The following EVC2 variants were observed in gnomAD, a reference collection of about 807,000 sequenced individuals.
The protein encoded by EVC2 is limbin.
In EVC2, 148 loss-of-function variants were observed where a neutral mutation model predicts 149.3. The ratio of observed to expected loss-of-function variants is 0.99; its 90% CI spans 0.87 to 1.14. EVC2 has a LOEUF of 1.14. Among genes scored for constraint, EVC2 ranks in the 50% most tolerant of loss-of-function variants. The pLI is 0.00. For synonymous variants in EVC2, 776 were observed against 649.9 expected, an observed-to-expected ratio of 1.19 and a Z score of -2.95; for missense variants, 1,854 against 1,627.3, an observed-to-expected ratio of 1.14 and a Z score of -2.40.
intron 2 of EVC2, 45 bp downstream of exon 2, chr4:5,697,548 T>C: frequency 6.2e-7 from 1 of 1,605,044 alleles, no homozygotes; most frequent in East Asian, 2.2e-5. Flanking sequence ...GCTTCTGGTT[T>C]TTCATGCTCA....
At position 5,685,496 on chromosome 4, in the gene EVC2, A is replaced by C. The variant is rs1443199081; in HGVS notation, c.707-17T>G. The C allele has an allele frequency of 4.3e-6, 7 of 1,611,908 alleles. No individual in the cohort carries two copies. Among genetic ancestry groups the C allele is most frequent in the African/African-American group, 4.0e-5 (3 of 74,890 alleles). On this transcript the variant is annotated splice_polypyrimidine_tract_variant and intron_variant, in intron 5 of 21. Coordinates refer to ENST00000344408, the MANE Select transcript of EVC2 (RefSeq NM_147127.5). The stretch of plus-strand genomic sequence containing the variant: ...CATCTCCCACTGCGCAGAGAAAAGC[A>C]CATGTGACTCAGGGAGGGCTTGGCC...
the EVC2 span, among the ~76,000 whole-genome samples, chr4:5,536,542 T>C: frequency 1.3e-5 from 2 of 152,124 alleles, no homozygotes; most frequent in Non-Finnish European, 2.9e-5. Flanking sequence ...CCTAGCACTT[T>C]GGGAGGCCAA....
At chr4:5,626,283 G>GTTAA (rs1330015363) in intron 12 of EVC2, among the ~76,000 whole-genome samples, 4 of 151,554 alleles carry the variant, frequency 2.6e-5, no homozygotes, top group Admixed American at 2.6e-4. Context: ...CTGTGTGATG[G>GTTAA]TTAATTTTAT....
intron 9 of EVC2, among the ~76,000 whole-genome samples, chr4:5,651,211 T>C (rs906645915): frequency 5.9e-5 from 9 of 151,324 alleles, no homozygotes; most frequent in South Asian, 2.1e-4. Context: ...GCTAGCTGGC[T>C]GGATGGAAGA....
At chr4:5,582,041 G>A (rs930119095) in intron 17 of EVC2, among the ~76,000 whole-genome samples, 1 of 152,240 alleles carries the variant, frequency 6.6e-6, no homozygotes, top group Non-Finnish European at 1.5e-5. Context: ...TGTCCAGGCA[G>A]AAGCCTTCTG....
intron 9 of EVC2, among the ~76,000 whole-genome samples, chr4:5,658,929 T>C (rs1186853516): frequency 6.6e-6 from 1 of 152,008 alleles, no homozygotes; most frequent in Non-Finnish European, 1.5e-5. Context: ...CCTGCCCAGT[T>C]CCTCCCTCCT....
At position 5,570,905 on chromosome 4, in the gene EVC2, T is replaced by C. The variant is rs1033684736; in HGVS notation, c.3361-2265A>G. Among the ~76,000 whole-genome samples, 11 of 152,182 alleles carry C rather than the reference T, an allele frequency of 7.2e-5. No homozygotes were observed. In the South Asian group the frequency reaches 8.3e-4, roughly 11 times the overall value. Reference sequence around the variant, plus strand: ...GAAGAAACTCAGGAATGGAAAACCATATATTGTATGTTCTCACTTATGAGG... The same window carrying C: ...GAAGAAACTCAGGAATGGAAAACCACATATTGTATGTTCTCACTTATGAGG... On this transcript the variant is annotated intron_variant, in intron 19 of 21. Coordinates refer to ENST00000344408, the MANE Select transcript of EVC2 (RefSeq NM_147127.5).
At chr4:5,664,004 G>A (rs530394299) in intron 8 of EVC2, among the ~76,000 whole-genome samples, 1 of 152,296 alleles carries the variant, frequency 6.6e-6, no homozygotes, top group Admixed American at 6.5e-5. Context: ...CCTCTGATTG[G>A]ATAAGAGATA....
At chr4:5,545,303 C>T (rs1369159402) in intron 21 of EVC2, among the ~76,000 whole-genome samples, 6 of 152,182 alleles carry the variant, frequency 3.9e-5, no homozygotes, top group Non-Finnish European at 7.3e-5. Context: ...ATTCCACTTT[C>T]AGGCCAGGGA....
intron 16 of EVC2, among the ~76,000 whole-genome samples, chr4:5,598,319 T>C (rs1366763117): frequency 1.3e-5 from 2 of 151,430 alleles, no homozygotes; most frequent in Non-Finnish European, 3.0e-5. Flanking sequence ...CTTCAAACTA[T>C]ACTACAAGGC....
intron 4 of EVC2, among the ~76,000 whole-genome samples, chr4:5,690,531 G>A (rs1435136788): frequency 6.6e-6 from 1 of 152,038 alleles, no homozygotes; most frequent in Non-Finnish European, 1.5e-5. Flanking sequence ...TAGAGAACGA[G>A]TAACTGAGGT....
intron 10 of EVC2, among the ~76,000 whole-genome samples, chr4:5,638,387 T>C (rs1228704744): frequency 1.4e-4 from 18 of 131,844 alleles, no homozygotes; most frequent in Admixed American, 7.9e-4. Context: ...AGACTCTATC[T>C]CAAAAAACAA....
chr4:5,602,107 C>G (rs1229345542), intron 16 of EVC2, among the ~76,000 whole-genome samples: 1 of 151,662 alleles, frequency 6.6e-6, no homozygotes, highest in East Asian at 1.9e-4. Context: ...AGAAACCTGT[C>G]CCTATAAAAA....
intron 16 of EVC2, among the ~76,000 whole-genome samples, chr4:5,606,826 C>G (rs942161495): frequency 6.6e-6 from 1 of 152,076 alleles, no homozygotes; most frequent in African/African-American, 2.4e-5. Flanking sequence ...ATGGAATCAA[C>G]AGATAAATCC....
At chr4:5,595,411 A>T (rs1713294895) in intron 16 of EVC2, among the ~76,000 whole-genome samples, 1 of 152,246 alleles carries the variant, frequency 6.6e-6, no homozygotes, top group Non-Finnish European at 1.5e-5. Flanking sequence ...GGGGGCCAAT[A>T]TTCAACATTC....
chr4:5,614,549 G>GAAC lies in EVC2; in HGVS notation c.2829+870_2829+872dup, dbSNP rs1202967409. ...AAGGGGAGACATCCAAGAGCTGAGG[G>GAAC]AACACCTCAGGACAGCAAGGACACA... On this transcript the variant is annotated intron_variant, in intron 16 of 21. Coordinates refer to ENST00000344408, the MANE Select transcript of EVC2 (RefSeq NM_147127.5). The surrounding 1 kb of genome is among the most constrained non-coding windows in gnomAD (Gnocchi z 4.7). Among the ~76,000 whole-genome samples, 2 of 152,178 alleles carry GAAC rather than the reference G, an allele frequency of 1.3e-5. No individual in the cohort carries two copies. The highest frequency in any genetic ancestry group is 2.9e-5 in the Non-Finnish European group (2 of 68,042).
chr4:5,561,953 T>G (rs1304843623), downstream of EVC2, among the ~76,000 whole-genome samples: 3 of 152,158 alleles, frequency 2.0e-5, no homozygotes, highest in Non-Finnish European at 4.4e-5. Flanking sequence ...GTAATTGTAT[T>G]ATTTGCCCGG....
intron 6 of EVC2, among the ~76,000 whole-genome samples, chr4:5,683,767 C>A (rs1054144138): frequency 2.9e-5 from 4 of 136,804 alleles, no homozygotes; most frequent in Non-Finnish European, 6.6e-5. Context: ...TCAAGCCAGC[C>A]CGGCCCAGGA....
intron 8 of EVC2, among the ~76,000 whole-genome samples, chr4:5,663,781 C>T (rs963938941): frequency 1.1e-4 from 16 of 152,106 alleles, no homozygotes; most frequent in African/African-American, 3.1e-4. Context: ...ATTAGCCAGG[C>T]GTGGTGGCAG....
Sources: gnomAD v4.1 joint callset for allele counts (sites outside exome capture counted in the v4.1 genomes callset) on GRCh38, gnomAD v4.1.1 for gene constraint, Gnocchi (gnomAD v3.1) non-coding constraint, MANE v1.5 for transcripts, NCBI Gene and HGNC (gene_info 2026-07-23, HGNC 2026-07-21) for gene names.